SEMA3E: variants seen among roughly 807,000 people sequenced by gnomAD.
SEMA3E encodes the protein semaphorin-3E.
Under a neutral mutation model 93.6 loss-of-function variants are expected in SEMA3E, and 49 were observed. The observed-to-expected ratio is 0.52, with a 90% CI of 0.42 to 0.66. The LOEUF is 0.66. Among genes scored for constraint, SEMA3E ranks in the 30% least tolerant of loss-of-function variants. The pLI, the probability that SEMA3E is intolerant of heterozygous loss-of-function variation, is 0.00. For missense variants in SEMA3E, 906 were observed against 964.8 expected, an observed-to-expected ratio of 0.94 and a Z score of 0.81; for synonymous variants, 363 against 330.7, an observed-to-expected ratio of 1.10 and a Z score of -1.06.
intron 1 of SEMA3E, among the ~76,000 whole-genome samples, chr7:83,645,714 TCTC>T (rs765989575): frequency 7.3e-5 from 7 of 95,262 alleles, no homozygotes; most frequent in Non-Finnish European, 9.8e-5. Flanking sequence ...TTGTACCTTG[TCTC>T]CTTCTCTCTC....
At chr7:83,516,224 G>A (rs1409721889) in intron 1 of SEMA3E, among the ~76,000 whole-genome samples, 1 of 151,840 alleles carries the variant, frequency 6.6e-6, no homozygotes, top group Admixed American at 6.6e-5. Context: ...TAATTTCTGG[G>A]CACACTAATA....
At chr7:83,600,308 G>T (rs1333615981) in intron 1 of SEMA3E, among the ~76,000 whole-genome samples, 1 of 148,834 alleles carries the variant, frequency 6.7e-6, no homozygotes, top group East Asian at 2.0e-4. Flanking sequence ...TCAGGACCAA[G>T]AAATATTAAT....
intron 1 of SEMA3E, among the ~76,000 whole-genome samples, chr7:83,524,835 T>C (rs1791123333): frequency 6.6e-6 from 1 of 151,904 alleles, no homozygotes; most frequent in Non-Finnish European, 1.5e-5. Context: ...TTTCATCACC[T>C]TAAAGAAATC....
chr7:83,539,856 TG>T (rs1584318314), intron 1 of SEMA3E, among the ~76,000 whole-genome samples: 2 of 2,596 alleles, frequency 7.7e-4, no homozygotes, highest in East Asian at 0.015. Context: ...TTGTTGTTTC[TG>T]TGTGTGTGTG....
chr7:83,515,845 T>C (rs1301931221), intron 1 of SEMA3E, among the ~76,000 whole-genome samples: 2 of 152,064 alleles, frequency 1.3e-5, no homozygotes, highest in African/African-American at 4.8e-5. Context: ...CTGGCCAACA[T>C]GGTGAAACCA....
At chr7:83,596,487 A>G (rs1172165548) in intron 1 of SEMA3E, among the ~76,000 whole-genome samples, 6 of 152,170 alleles carry the variant, frequency 3.9e-5, no homozygotes, top group Non-Finnish European at 7.4e-5. Flanking sequence ...ATATAGTTGT[A>G]GTTTAACTAT....
chr7:83,446,649 T>C (rs1789236708), intron 4 of SEMA3E, among the ~76,000 whole-genome samples: 1 of 152,198 alleles, frequency 6.6e-6, no homozygotes. Context: ...AACGTTAAAC[T>C]CTCTACGTGA....
chr7:83,429,313 T>C (rs1013598286), intron 4 of SEMA3E, among the ~76,000 whole-genome samples: 1 of 152,212 alleles, frequency 6.6e-6, no homozygotes, highest in African/African-American at 2.4e-5. Context: ...TCACTTCCCT[T>C]GTGTATCCTC....
intron 1 of SEMA3E, among the ~76,000 whole-genome samples, chr7:83,535,657 A>G (rs1791398900): frequency 6.6e-6 from 1 of 152,164 alleles, no homozygotes; most frequent in Non-Finnish European, 1.5e-5. Flanking sequence ...TTATAATCTA[A>G]GAAGTATGGC....
At chr7:83,400,953 A>G (rs919920942) in intron 10 of SEMA3E, among the ~76,000 whole-genome samples, 1 of 152,118 alleles carries the variant, frequency 6.6e-6, no homozygotes, top group African/African-American at 2.4e-5. Flanking sequence ...TAATATGATC[A>G]GTGATGGTTC....
chr7:83,648,383 C>G, intron 1 of SEMA3E, 45 bp downstream of exon 1: 1 of 1,159,110 alleles, frequency 8.6e-7, no homozygotes, highest in Non-Finnish European at 1.2e-6. Context: ...TTTTCTTTTT[C>G]TTTTTTTTTT....
intron 4 of SEMA3E, among the ~76,000 whole-genome samples, chr7:83,432,594 C>T (rs368827756): frequency 1.2e-4 from 19 of 152,208 alleles, no homozygotes; most frequent in East Asian, 3.9e-4. Context: ...AATGAAAACA[C>T]ATATATAGAG....
At chr7:83,595,986 G>A (rs1418128705) in intron 1 of SEMA3E, among the ~76,000 whole-genome samples, 3 of 151,968 alleles carry the variant, frequency 2.0e-5, no homozygotes, top group East Asian at 3.9e-4. Flanking sequence ...GCAGCAGTTA[G>A]TACTGTGACA....
chr7:83,458,040 T>G (rs1789525368), intron 4 of SEMA3E, among the ~76,000 whole-genome samples: 2 of 151,334 alleles, frequency 1.3e-5, no homozygotes, highest in Non-Finnish European at 2.9e-5. Flanking sequence ...TCTTGTGACA[T>G]ATATATATAT....
chr7:83,507,889 TGCAGTGA>T (rs1468632924), intron 1 of SEMA3E, among the ~76,000 whole-genome samples: 1 of 152,054 alleles, frequency 6.6e-6, no homozygotes. Flanking sequence ...AGGTTGAGGC[TGCAGTGA>T]GCATGGCCAC....
chr7:83,504,611 T>A (rs1448648689), intron 1 of SEMA3E, among the ~76,000 whole-genome samples: 1 of 152,200 alleles, frequency 6.6e-6, no homozygotes, highest in Non-Finnish European at 1.5e-5. Context: ...TGACTTTCTT[T>A]CACAAAAAGT....
At chr7:83,372,827 A>G (rs1483947846) in intron 16 of SEMA3E, 1 of 152,164 alleles carries the variant, frequency 6.6e-6, no homozygotes, top group East Asian at 1.9e-4. Flanking sequence ...AGTTAGAGGT[A>G]TCTTACATGG....
At chr7:83,600,059 T>A (rs1792953972) in intron 1 of SEMA3E, among the ~76,000 whole-genome samples, 2 of 152,218 alleles carry the variant, frequency 1.3e-5, no homozygotes, top group Admixed American at 1.3e-4. Flanking sequence ...AAAAAATTTA[T>A]GATATGGCTC....
chr7:83,586,640 C>G lies in SEMA3E; in HGVS notation c.115+61788G>C, dbSNP rs571083726. ...ACGCTATTTTAATCAGTAAGACTCT[C>G]TCTTTGAAGACCAAGACAAGCAGAA... On this transcript the variant is annotated intron_variant, in intron 1 of 16. Coordinates refer to ENST00000643230, the MANE Select transcript of SEMA3E (RefSeq NM_012431.3). Among the ~76,000 whole-genome samples, 3 of 151,758 alleles carry G rather than the reference C, an allele frequency of 2.0e-5. No individual in the cohort carries two copies. In the South Asian group the frequency reaches 6.2e-4, roughly 32 times the overall value.
Sources: allele counts gnomAD v4.1 joint callset (sites outside exome capture counted in the v4.1 genomes callset), GRCh38; gene constraint gnomAD v4.1.1; transcripts MANE v1.5; gene names NCBI Gene and HGNC (gene_info 2026-07-23, HGNC 2026-07-21).